The following CLIC4 variants were observed in gnomAD, a reference collection of about 807,000 sequenced individuals.
CLIC4 encodes the protein chloride intracellular channel protein 4.
In CLIC4, 13 loss-of-function variants were observed where a neutral mutation model predicts 24.6. The ratio of observed to expected loss-of-function variants is 0.53; its 90% CI spans 0.34 to 0.84. The LOEUF (loss-of-function observed/expected upper bound fraction) is 0.84, where lower values mean the gene tolerates loss of function less well. Among genes scored for constraint, CLIC4 ranks in the 40% least tolerant of loss-of-function variants. The pLI, the probability that CLIC4 is intolerant of heterozygous loss-of-function variation, is 0.01. For missense variants in CLIC4, 227 were observed against 301.7 expected (o/e 0.75, Z 1.83); for synonymous variants, 104 against 111.3 (o/e 0.93, Z 0.41).
Position 24,797,814 on chromosome 1 carries a change from G to A in CLIC4, c.145G>A (p.Gly49Arg), listed in dbSNP as rs1247704106. 1 of 1,613,646 alleles carries A rather than the reference G, an allele frequency of 6.2e-7. No homozygotes were observed. Among genetic ancestry groups the A allele is most frequent in the Non-Finnish European group, 8.5e-7 (1 of 1,179,890 alleles). ...QRLFMILWLK[G>R]VVFSVTTVDL... The stretch of plus-strand genomic sequence containing the variant: ...GCTCTTCATGATTCTTTGGCTCAAA[G>A]GAGTTGTATTTAGTGTGACGACTGT... The change falls in exon 2 of 6, where the codon GGA (glycine) becomes AGA (arginine). Residue 49 changes from glycine to arginine, a missense_variant. Transcript: ENST00000374379.
At chr1:24,796,090 T>C (rs1204538458) in intron 1 of CLIC4, among the ~76,000 whole-genome samples, 1 of 152,264 alleles carries the variant, frequency 6.6e-6, no homozygotes, top group East Asian at 1.9e-4. Flanking sequence ...CATATGTGGC[T>C]ATTTAAATTA....
In CLIC4 at chr1:24,770,167, A is replaced by G. The variant is rs182142401; in HGVS notation, c.72+24542A>G. Among the ~76,000 whole-genome samples the G allele has an allele frequency of 4.6e-5, 7 of 152,264 alleles. 1 individual carries two copies. The highest frequency in any genetic ancestry group is 1.7e-4 in the African/African-American group (7 of 41,548). On this transcript the variant is annotated intron_variant, in intron 1 of 5. Coordinates refer to ENST00000374379, the MANE Select transcript of CLIC4 (RefSeq NM_013943.3). ...GCTTGGCCTCACATATTTTGATTTTAGGATTGTTTTCCAATTGAGAAATGT... is the reference window on the plus strand; with the variant it reads ...GCTTGGCCTCACATATTTTGATTTTGGGATTGTTTTCCAATTGAGAAATGT...
chr1:24,811,675 T>A (rs1028913501), intron 2 of CLIC4, among the ~76,000 whole-genome samples: 7 of 152,154 alleles, frequency 4.6e-5, no homozygotes, highest in African/African-American at 1.7e-4. Context: ...GGGATCTCAC[T>A]ATGTTGCCCA....
intron 4 of CLIC4, among the ~76,000 whole-genome samples, chr1:24,835,589 A>T (rs1032398438): frequency 3.3e-5 from 5 of 152,198 alleles, no homozygotes; most frequent in East Asian, 1.9e-4. Flanking sequence ...AATAAATTTT[A>T]AAAATGTAGA....
chr1:24,806,650 T>A (rs139520992), intron 2 of CLIC4, among the ~76,000 whole-genome samples: 2 of 152,352 alleles, frequency 1.3e-5, no homozygotes, highest in Admixed American at 1.3e-4. Context: ...TCAGATTTTG[T>A]TTATTACCAA....
At chr1:24,798,499 G>A (rs1639430509) in intron 2 of CLIC4, among the ~76,000 whole-genome samples, 1 of 152,144 alleles carries the variant, frequency 6.6e-6, no homozygotes, top group Non-Finnish European at 1.5e-5. Flanking sequence ...GAAGAGCCGT[G>A]ATGAGTAGAA....
intron 1 of CLIC4, among the ~76,000 whole-genome samples, chr1:24,754,634 T>A (rs1285654257): frequency 2.0e-5 from 3 of 152,142 alleles, no homozygotes; most frequent in Non-Finnish European, 4.4e-5. Flanking sequence ...TTACCTATTG[T>A]CCAAGGATGA....
At chr1:24,747,004 GAGA>G (rs925362147) in intron 1 of CLIC4, among the ~76,000 whole-genome samples, 1 of 151,754 alleles carries the variant, frequency 6.6e-6, no homozygotes, top group African/African-American at 2.4e-5. Flanking sequence ...AAGAGATGGA[GAGA>G]AGAAATAATC....
chr1:24,798,015 C>T (rs1047086383), intron 2 of CLIC4, 164 bp downstream of exon 2: 7 of 556,432 alleles, frequency 1.3e-5, no homozygotes, highest in Non-Finnish European at 1.9e-5. Context: ...GGACAAGTCA[C>T]GCTGTCAGTA....
At chr1:24,799,058 G>A (rs1300498218) in intron 2 of CLIC4, among the ~76,000 whole-genome samples, 2 of 152,024 alleles carry the variant, frequency 1.3e-5, no homozygotes, top group Non-Finnish European at 2.9e-5. Context: ...GCCTCTGCCC[G>A]GCCGCCACCC....
intron 1 of CLIC4, among the ~76,000 whole-genome samples, chr1:24,769,916 G>T (rs1639051192): frequency 6.6e-6 from 1 of 151,864 alleles, no homozygotes; most frequent in Non-Finnish European, 1.5e-5. Context: ...GAGTGCAGTG[G>T]TGTCATCACA....
chr1:24,751,978 A>G (rs1351541798), intron 1 of CLIC4, among the ~76,000 whole-genome samples: 2 of 152,216 alleles, frequency 1.3e-5, no homozygotes, highest in African/African-American at 2.4e-5. Flanking sequence ...ACTGTCAGCA[A>G]GTAGTCACCA....
At chr1:24,781,079 C>T (rs961457063) in intron 1 of CLIC4, among the ~76,000 whole-genome samples, 2 of 126,574 alleles carry the variant, frequency 1.6e-5, no homozygotes, top group African/African-American at 2.8e-5. Context: ...AAGAGTGAAA[C>T]TCCATCTCAA....
intron 1 of CLIC4, among the ~76,000 whole-genome samples, chr1:24,762,774 G>C (rs759593744): frequency 6.6e-6 from 1 of 152,130 alleles, no homozygotes; most frequent in South Asian, 2.1e-4. Context: ...GAATGAAATA[G>C]GAAGTAAGAG....
intron 1 of CLIC4, among the ~76,000 whole-genome samples, chr1:24,756,200 C>T (rs887099345): frequency 2.6e-5 from 4 of 152,188 alleles, no homozygotes; most frequent in East Asian, 1.9e-4. Flanking sequence ...GGGGTTTCAC[C>T]GTGTTAGCTA....
chr1:24,787,545 C>CT (rs1036101717), intron 1 of CLIC4, among the ~76,000 whole-genome samples: 52 of 150,216 alleles, frequency 3.5e-4, no homozygotes, highest in Admixed American at 6.7e-4. Flanking sequence ...TAATTTTTTT[C>CT]TTTTTTTTTG....
Position 24,827,010 on chromosome 1 carries a change from G to C in CLIC4, c.309G>C (p.Lys103Asn), listed in dbSNP as rs760420796. The change falls in exon 4 of 6, where the codon AAG (lysine) becomes AAC (asparagine). Residue 103 changes from lysine to asparagine, a missense_variant and splice_region_variant. By Grantham distance (94) the Lys-to-Asn change is moderately conservative. Transcript: ENST00000374379. ...EFLEEVLCPP[K>N]YLKLSPKHPE... ...AATCCATATCACTTTTTCTATTTAGGTACTTAAAGCTTTCACCAAAACACC... is the reference window on the plus strand; with the variant it reads ...AATCCATATCACTTTTTCTATTTAGCTACTTAAAGCTTTCACCAAAACACC... 1 of 1,593,396 alleles carries C rather than the reference G, an allele frequency of 6.3e-7. No individual in the cohort carries two copies.
chr1:24,806,665 T>G (rs1639553417), intron 2 of CLIC4, among the ~76,000 whole-genome samples: 2 of 152,204 alleles, frequency 1.3e-5, no homozygotes, highest in Admixed American at 1.3e-4. Context: ...TACCAATCAG[T>G]TAATGCTAGG....
intron 2 of CLIC4, 98 bp from the exon 3 acceptor site, chr1:24,813,996 C>A: frequency 7.0e-7 from 1 of 1,432,670 alleles, no homozygotes; most frequent in Non-Finnish European, 9.8e-7. Context: ...CGACTACAGA[C>A]GCAAGCCACC....
Sources: allele counts gnomAD v4.1 joint callset (sites outside exome capture counted in the v4.1 genomes callset), GRCh38; gene constraint gnomAD v4.1.1; transcripts MANE v1.5; gene names NCBI Gene and HGNC (gene_info 2026-07-23, HGNC 2026-07-21).